PAPPA: variants seen among roughly 807,000 people sequenced by gnomAD.
PAPPA encodes the protein pappalysin-1.
Under a neutral mutation model 164.0 loss-of-function variants are expected in PAPPA, and 60 were observed. That is an observed-to-expected ratio of 0.37 (90% confidence interval 0.30 to 0.45). PAPPA has a LOEUF of 0.45. Ranked by LOEUF, PAPPA falls within the 20% of genes least tolerant of loss-of-function variation. The pLI is 1.00. For synonymous variants in PAPPA, 875 were observed against 814.1 expected (o/e 1.07, Z -1.27); for missense variants, 1,782 against 2,087.3 (o/e 0.85, Z 2.85).
chr9:116,331,709 G>A (rs565055197), intron 11 of PAPPA, among the ~76,000 whole-genome samples: 29 of 152,276 alleles, frequency 1.9e-4, no homozygotes, highest in Middle Eastern at 3.4e-3. Context: ...ATGTTTGGTC[G>A]CTTGTTGGAT....
intron 21 of PAPPA, among the ~76,000 whole-genome samples, chr9:116,389,715 G>A (rs1846864933): frequency 6.6e-6 from 1 of 151,712 alleles, no homozygotes; most frequent in Admixed American, 6.6e-5. Flanking sequence ...CCTCTTTCAA[G>A]TCTTTGCCCA....
intron 16 of PAPPA, among the ~76,000 whole-genome samples, chr9:116,353,170 AT>A (rs994400962): frequency 3.3e-5 from 5 of 150,494 alleles, no homozygotes; most frequent in African/African-American, 7.3e-5. Context: ...TCTGCACTTC[AT>A]TTTTTTTTTA....
intron 1 of PAPPA, among the ~76,000 whole-genome samples, chr9:116,162,318 A>G (rs1258627532): frequency 6.6e-6 from 1 of 152,150 alleles, no homozygotes; most frequent in African/African-American, 2.4e-5. Flanking sequence ...AAGTATTGTG[A>G]CGATACACAC....
At chr9:116,254,134 C>G (rs910461280) in intron 7 of PAPPA, among the ~76,000 whole-genome samples, 2 of 152,146 alleles carry the variant, frequency 1.3e-5, no homozygotes, top group African/African-American at 4.8e-5. Context: ...CCTCTGTGCT[C>G]CTACAGCCCC....
chr9:116,271,430 A>C lies in PAPPA; in HGVS notation c.2953+14A>C, dbSNP rs770313446. 2.5e-5 allele frequency: 39 copies of C among 1,575,658 alleles called. No homozygotes were observed. Among genetic ancestry groups the C allele is most frequent in the Admixed American group, 6.7e-5 (4 of 59,938 alleles). On this transcript the variant is annotated intron_variant, in intron 9 of 21. Coordinates refer to ENST00000328252, the MANE Select transcript of PAPPA (RefSeq NM_002581.5). The surrounding 1 kb of genome is among the most constrained non-coding windows in gnomAD (Gnocchi z 4.2). Reference sequence around the variant, plus strand: ...TCAATTGTATTGGTACGTCTTTTTCATTTCTTGTGGCCTTCATGAAGAAAT... The same window carrying C: ...TCAATTGTATTGGTACGTCTTTTTCCTTTCTTGTGGCCTTCATGAAGAAAT...
intron 10 of PAPPA, among the ~76,000 whole-genome samples, chr9:116,312,288 C>CTTTTTTTTTTTTTTTTTTTTTTTCT (rs5900201): frequency 1.5e-5 from 2 of 129,638 alleles, no homozygotes; most frequent in South Asian, 2.5e-4. Context: ...TTCTTTCTTT[C>CTTTTTTTTTTTTTTTTTTTTTTTCT]TTTTTTTTTT....
chr9:116,305,456 TTC>T (rs549735198), intron 10 of PAPPA, among the ~76,000 whole-genome samples: 861 of 74,314 alleles, frequency 0.012, 5 homozygotes, highest in African/African-American at 0.03. Context: ...ACTCTCCCTC[TTC>T]TCTCTCTCTC....
intron 1 of PAPPA, among the ~76,000 whole-genome samples, chr9:116,185,302 T>G (rs1294955188): frequency 6.6e-6 from 1 of 152,166 alleles, no homozygotes; most frequent in African/African-American, 2.4e-5. Context: ...GAAAAATGGC[T>G]GAGCAGGAAG....
intron 21 of PAPPA, among the ~76,000 whole-genome samples, chr9:116,392,166 G>A (rs1846901682): frequency 6.6e-6 from 1 of 152,204 alleles, no homozygotes; most frequent in Non-Finnish European, 1.5e-5. Flanking sequence ...ATTGAGTTTA[G>A]CTCAGTGCCA....
chr9:116,331,876 G>A (rs1316223222), intron 11 of PAPPA, among the ~76,000 whole-genome samples: 1 of 152,160 alleles, frequency 6.6e-6, no homozygotes, highest in Non-Finnish European at 1.5e-5. Flanking sequence ...CCTCAAAGCC[G>A]AGTGCAGAGG....
chr9:116,263,078 T>C (rs1845021963), intron 7 of PAPPA, among the ~76,000 whole-genome samples: 1 of 152,200 alleles, frequency 6.6e-6, no homozygotes, highest in Non-Finnish European at 1.5e-5. Context: ...TTTTTATTTT[T>C]CAATCTGAAA....
intron 9 of PAPPA, among the ~76,000 whole-genome samples, chr9:116,296,795 G>GT (rs1238218888): frequency 2.6e-5 from 4 of 152,070 alleles, no homozygotes; most frequent in Non-Finnish European, 5.9e-5. Flanking sequence ...GAAGAGGACA[G>GT]TTTGTGGATG....
At chr9:116,163,765 G>T (rs1212032625) in intron 1 of PAPPA, among the ~76,000 whole-genome samples, 2 of 152,170 alleles carry the variant, frequency 1.3e-5, no homozygotes, top group African/African-American at 4.8e-5. Flanking sequence ...GAAAAAAGAA[G>T]ATGGTACACC....
At chr9:116,249,480 G>A (rs1163679538) in intron 7 of PAPPA, among the ~76,000 whole-genome samples, 1 of 152,166 alleles carries the variant, frequency 6.6e-6, no homozygotes, top group Non-Finnish European at 1.5e-5. Context: ...GCCATTGAGT[G>A]TCTGTAAGGT....
intron 13 of PAPPA, among the ~76,000 whole-genome samples, chr9:116,337,812 C>A (rs1012065075): frequency 4.6e-5 from 7 of 152,092 alleles, no homozygotes; most frequent in Non-Finnish European, 8.8e-5. Context: ...GTAGCAAAAC[C>A]AGTTTGGGCA....
intron 10 of PAPPA, among the ~76,000 whole-genome samples, chr9:116,327,863 A>G (rs776429716): frequency 6.6e-6 from 1 of 152,228 alleles, no homozygotes; most frequent in African/African-American, 2.4e-5. Flanking sequence ...ATTATTTTGC[A>G]GATCAACTAG....
At chr9:116,262,878 A>C (rs1460578106) in intron 7 of PAPPA, among the ~76,000 whole-genome samples, 1 of 152,254 alleles carries the variant, frequency 6.6e-6, no homozygotes, top group East Asian at 1.9e-4. Flanking sequence ...CCACTAGCTT[A>C]TCCTTCTGAA....
At chr9:116,190,984 T>A (rs1240051449) in intron 2 of PAPPA, among the ~76,000 whole-genome samples, 1 of 149,122 alleles carries the variant, frequency 6.7e-6, no homozygotes, top group African/African-American at 2.5e-5. Context: ...AGGTTGCAGA[T>A]AAATTTTTGC....
chr9:116,336,859 A>G (rs1396274197), intron 13 of PAPPA, among the ~76,000 whole-genome samples: 1 of 152,280 alleles, frequency 6.6e-6, no homozygotes, highest in East Asian at 1.9e-4. Flanking sequence ...TCAGTTCTAA[A>G]TCTGTGTTTC....
Sources: allele counts gnomAD v4.1 joint callset (sites outside exome capture counted in the v4.1 genomes callset), GRCh38; gene constraint gnomAD v4.1.1; non-coding constraint Gnocchi (gnomAD v3.1); transcripts MANE v1.5; gene names NCBI Gene and HGNC (gene_info 2026-07-23, HGNC 2026-07-21).